EYS: variants seen among roughly 807,000 people sequenced by gnomAD.
EYS encodes protein eyes shut homolog.
In EYS, 250 loss-of-function variants were observed where a neutral mutation model predicts 282.1. That is an observed-to-expected ratio of 0.89 (90% CI 0.80 to 0.98). The LOEUF is 0.98. Ranked by LOEUF, EYS falls within the 50% of genes least tolerant of loss-of-function variation. The pLI is 0.00. For synonymous variants in EYS, 1,355 were observed against 1,282.9 expected (o/e 1.06, Z -1.20); for missense variants, 4,016 against 3,709.0 (o/e 1.08, Z -2.15).
At chr6:65,335,607 C>A (rs1468392698) in intron 10 of EYS, among the ~76,000 whole-genome samples, 2 of 151,608 alleles carry the variant, frequency 1.3e-5, no homozygotes, top group African/African-American at 4.8e-5. Flanking sequence ...AAAGCTAAAG[C>A]CCTGCTTCAA....
At chr6:65,272,915 T>A (rs1350898563) in intron 12 of EYS, among the ~76,000 whole-genome samples, 1 of 152,160 alleles carries the variant, frequency 6.6e-6, no homozygotes, top group East Asian at 1.9e-4. Context: ...ACCATAAGCA[T>A]GTGTGCGATC....
chr6:65,319,648 A>G (rs1322644263), intron 11 of EYS, among the ~76,000 whole-genome samples: 1 of 152,206 alleles, frequency 6.6e-6, no homozygotes, highest in Non-Finnish European at 1.5e-5. Context: ...CTGAACTAGC[A>G]CATTGTAGAC....
chr6:65,424,153 G>A (rs1014637910), intron 5 of EYS, among the ~76,000 whole-genome samples: 5 of 151,876 alleles, frequency 3.3e-5, no homozygotes, highest in African/African-American at 7.2e-5. Context: ...CTATACATTC[G>A]AAGTTTTACT....
intron 2 of EYS, among the ~76,000 whole-genome samples, chr6:65,497,262 A>G (rs1439357225): frequency 2.0e-5 from 3 of 152,082 alleles, no homozygotes; most frequent in Non-Finnish European, 4.4e-5. Flanking sequence ...TAAGAACTCA[A>G]TGAAGGAGAC....
At chr6:64,302,622 T>C (rs182448956) in intron 30 of EYS, among the ~76,000 whole-genome samples, 189 of 152,118 alleles carry the variant, frequency 1.2e-3, no homozygotes, top group African/African-American at 4.3e-3. Context: ...TCCATAAGCA[T>C]CTCAAATAAC....
intron 19 of EYS, among the ~76,000 whole-genome samples, chr6:64,838,111 C>A (rs1765443626): frequency 6.6e-6 from 1 of 151,740 alleles, no homozygotes; most frequent in Non-Finnish European, 1.5e-5. Context: ...TTCTTTTGTT[C>A]AAACACATTG....
intron 13 of EYS, among the ~76,000 whole-genome samples, chr6:65,007,677 G>T (rs1444777617): frequency 1.3e-5 from 2 of 151,934 alleles, no homozygotes; most frequent in African/African-American, 4.8e-5. Flanking sequence ...AACCCAAACG[G>T]TCCAAAAGGA....
chr6:64,080,403 G>A (rs920672151), intron 32 of EYS, among the ~76,000 whole-genome samples: 1 of 152,096 alleles, frequency 6.6e-6, no homozygotes, highest in Non-Finnish European at 1.5e-5. Context: ...TGTTGATGGG[G>A]TTGTTTGTTT....
chr6:64,161,015 AT>A (rs1484860092), intron 31 of EYS, among the ~76,000 whole-genome samples: 11 of 152,204 alleles, frequency 7.2e-5, no homozygotes, highest in African/African-American at 2.7e-4. Context: ...GATTTTATTC[AT>A]TTCATTAAAA....
At chr6:63,944,081 G>A (rs753012368) in intron 35 of EYS, among the ~76,000 whole-genome samples, 15 of 152,130 alleles carry the variant, frequency 9.9e-5, no homozygotes, top group Non-Finnish European at 1.6e-4. Context: ...ACCTGACCCT[G>A]CCTGAAGCCT....
intron 32 of EYS, among the ~76,000 whole-genome samples, chr6:64,078,410 C>A (rs999926635): frequency 6.6e-6 from 1 of 151,912 alleles, no homozygotes; most frequent in South Asian, 2.1e-4. Context: ...TTTTAAATTA[C>A]CAGTATCTAA....
At chr6:64,219,489 T>G (rs1186726706) in intron 31 of EYS, among the ~76,000 whole-genome samples, 1 of 152,194 alleles carries the variant, frequency 6.6e-6, no homozygotes, top group African/African-American at 2.4e-5. Context: ...ATTTTTGTTT[T>G]TGTTTGTTAA....
chr6:64,145,707 C>T (rs540967551), intron 31 of EYS, among the ~76,000 whole-genome samples: 232 of 152,048 alleles, frequency 1.5e-3, no homozygotes, highest in African/African-American at 5.2e-3. Flanking sequence ...AATAATTGAG[C>T]GAAAAAATAA....
chr6:65,601,557 A>T (rs559758864), intron 2 of EYS, among the ~76,000 whole-genome samples: 2 of 152,060 alleles, frequency 1.3e-5, no homozygotes, highest in East Asian at 1.9e-4. Context: ...CATCTGATGG[A>T]TGCTAATTCT....
intron 18 of EYS, among the ~76,000 whole-genome samples, chr6:64,887,342 G>A (rs13198365): frequency 6.6e-6 from 1 of 151,662 alleles, no homozygotes; most frequent in African/African-American, 2.4e-5. Context: ...ATGATGAGTT[G>A]ATGGGTGCAG....
At chr6:63,923,763 G>A (rs1764638942) in intron 35 of EYS, among the ~76,000 whole-genome samples, 1 of 152,024 alleles carries the variant, frequency 6.6e-6, no homozygotes, top group Non-Finnish European at 1.5e-5. Context: ...AGTGTCTATT[G>A]ATGCCATCTT....
chr6:64,770,698 T>G (rs142763997), intron 22 of EYS, among the ~76,000 whole-genome samples: 1 of 151,926 alleles, frequency 6.6e-6, no homozygotes, highest in African/African-American at 2.4e-5. Flanking sequence ...CTCTTTAAAA[T>G]GCATCATATT....
chr6:65,032,101 T>C (rs1349605747), intron 13 of EYS, among the ~76,000 whole-genome samples: 1 of 151,868 alleles, frequency 6.6e-6, no homozygotes, highest in African/African-American at 2.4e-5. Context: ...CCTAAGAAAC[T>C]ATTATGGACA....
Position 65,306,011 on chromosome 6 carries a change from C to T in EYS, c.1767-9892G>A, listed in dbSNP as rs200213256. On this transcript the variant is annotated intron_variant, in intron 11 of 42. Coordinates refer to ENST00000503581, the MANE Select transcript of EYS (RefSeq NM_001142800.2). ...TTTCTTCATTTCTGAATTGAGTTTT[C>T]TTTTCTTGATGTTGGTTTCCTTCAT... Among the ~76,000 whole-genome samples, 44 of 145,930 alleles carry T rather than the reference C, an allele frequency of 3.0e-4. No homozygotes were observed. In the East Asian group the frequency reaches 4.3e-3, roughly 14 times the overall value.
Sources: gnomAD v4.1 joint callset for allele counts (sites outside exome capture counted in the v4.1 genomes callset) on GRCh38, gnomAD v4.1.1 for gene constraint, MANE v1.5 for transcripts, NCBI Gene and HGNC (gene_info 2026-07-23, HGNC 2026-07-21) for gene names.